Variants in FAT3 observed in about 807,000 individuals in gnomAD.
FAT3 encodes the protein protocadherin Fat 3.
In FAT3, 95 loss-of-function variants were observed where a neutral mutation model predicts 310.2. The observed-to-expected ratio is 0.31, with a 90% CI of 0.26 to 0.36. The LOEUF (loss-of-function observed/expected upper bound fraction) is 0.36. Among genes scored for constraint, FAT3 ranks in the 10% least tolerant of loss-of-function variants. FAT3 has a pLI of 1.00. For synonymous variants in FAT3, 2,314 were observed against 2,192.9 expected (o/e 1.06, Z -1.54); for missense variants, 5,408 against 5,715.6 (o/e 0.95, Z 1.74).
chr11:92,350,656 G>C (rs745789915), intron 1 of FAT3, among the ~76,000 whole-genome samples: 3 of 152,062 alleles, frequency 2.0e-5, no homozygotes, highest in Non-Finnish European at 4.4e-5. Context: ...CATTGTTTGG[G>C]CAAATGTCTC....
chr11:92,314,718 A>C (rs1303045447), intron 1 of FAT3, among the ~76,000 whole-genome samples: 1 of 152,212 alleles, frequency 6.6e-6, no homozygotes, highest in South Asian at 2.1e-4. Context: ...GTTTGAAGCC[A>C]GAATTGGGAC....
chr11:92,381,959 A>AAG (rs1949503798), intron 2 of FAT3, among the ~76,000 whole-genome samples: 5 of 152,158 alleles, frequency 3.3e-5, no homozygotes, highest in Admixed American at 2.6e-4. Context: ...TTTTTGCTTC[A>AAG]AGAGTTTTTG....
At chr11:92,851,186 C>A (rs141629481) in intron 19 of FAT3, among the ~76,000 whole-genome samples, 2 of 152,118 alleles carry the variant, frequency 1.3e-5, no homozygotes, top group African/African-American at 4.8e-5. Flanking sequence ...TCACCTACTG[C>A]GGACTTACAA....
intron 20 of FAT3, among the ~76,000 whole-genome samples, chr11:92,858,720 A>G (rs541859377): frequency 1.3e-5 from 2 of 152,252 alleles, no homozygotes; most frequent in African/African-American, 4.8e-5. Flanking sequence ...GCATTAGGAT[A>G]CTTGGGGAAC....
At chr11:92,761,102 T>C (rs1261619724) in intron 4 of FAT3, among the ~76,000 whole-genome samples, 1 of 152,242 alleles carries the variant, frequency 6.6e-6, no homozygotes, top group Non-Finnish European at 1.5e-5. Context: ...CTTAGTCTGC[T>C]CTGGTTGCTG....
intron 3 of FAT3, among the ~76,000 whole-genome samples, chr11:92,583,121 T>C (rs1023783859): frequency 2.0e-5 from 3 of 152,072 alleles, no homozygotes; most frequent in Non-Finnish European, 1.5e-5. Context: ...ACAATAACAT[T>C]AAATTTAATT....
intron 3 of FAT3, among the ~76,000 whole-genome samples, chr11:92,652,249 C>T (rs756100587): frequency 1.3e-5 from 2 of 152,182 alleles, no homozygotes; most frequent in South Asian, 2.1e-4. Context: ...GGGCACAAGG[C>T]GCTACCCCTG....
intron 3 of FAT3, among the ~76,000 whole-genome samples, chr11:92,563,135 T>C (rs1240325229): frequency 6.6e-6 from 1 of 152,216 alleles, no homozygotes; most frequent in African/African-American, 2.4e-5. Flanking sequence ...GTTGTACCCA[T>C]GGATTCTCCT....
At chr11:92,410,246 T>A (rs1366046766) in intron 2 of FAT3, among the ~76,000 whole-genome samples, 1 of 152,126 alleles carries the variant, frequency 6.6e-6, no homozygotes, top group Non-Finnish European at 1.5e-5. Context: ...CTCACCTGCA[T>A]GCTATGTAGC....
chr11:92,646,114 A>G (rs1003121150), intron 3 of FAT3, among the ~76,000 whole-genome samples: 5 of 152,178 alleles, frequency 3.3e-5, no homozygotes, highest in Non-Finnish European at 7.3e-5. Flanking sequence ...TTCAGGCAGG[A>G]ATTGGATGAG....
intron 2 of FAT3, among the ~76,000 whole-genome samples, chr11:92,384,189 C>T (rs1949566590): frequency 1.3e-5 from 2 of 152,052 alleles, no homozygotes; most frequent in Non-Finnish European, 2.9e-5. Context: ...GGGAGCAGTG[C>T]AGAGAGGGGC....
chr11:92,894,032 G>C lies in FAT3; in HGVS notation c.*2919G>C, dbSNP rs1181956102. 6.6e-6 allele frequency: 1 copy of C among 152,112 alleles called. No individual in the cohort carries two copies. Among genetic ancestry groups the C allele is most frequent in the Non-Finnish European group, 1.5e-5 (1 of 68,036 alleles). 9.4% of individuals were successfully genotyped at this position (152,112 alleles called of 1,614,324 possible). A position where few individuals can be genotyped will look rare whatever the true frequency, so the allele number is the denominator to read the frequency against. On this transcript the variant is annotated 3_prime_UTR_variant, in exon 28 of 28. Coordinates refer to ENST00000525166, the MANE Select transcript of FAT3 (RefSeq NM_001367949.2). Reference sequence around the variant, plus strand: ...GCCAATATTCTTTTTACATCATATTGTTCACCCCTACACTGCCTTGAGCAT... The same window carrying C: ...GCCAATATTCTTTTTACATCATATTCTTCACCCCTACACTGCCTTGAGCAT...
rs934528641 is a variant in FAT3, at chr11:92,519,647, T to C, written c.3293-4987T>C. On this transcript the variant is annotated intron_variant, in intron 2 of 27. Transcript: ENST00000525166. ...CTGATAAAGACTCTTATCCAGAATA[T>C]ATAAAGAACTCTTGAAATTCAAGAA... Among the ~76,000 whole-genome samples the C allele has an allele frequency of 7.9e-5, 12 of 152,180 alleles. No individual in the cohort carries two copies. In the East Asian group the frequency reaches 2.3e-3, roughly 30 times the overall value.
intron 1 of FAT3, among the ~76,000 whole-genome samples, chr11:92,249,099 TG>T (rs138791730): frequency 0.032 from 4,828 of 151,508 alleles, 241 homozygotes; most frequent in African/African-American, 0.11. Context: ...ATTTTAAGGT[TG>T]GGGTGGCCAT....
At chr11:92,472,638 G>A (rs752545590) in intron 2 of FAT3, among the ~76,000 whole-genome samples, 1 of 152,174 alleles carries the variant, frequency 6.6e-6, no homozygotes, top group African/African-American at 2.4e-5. Flanking sequence ...AGTACCATGA[G>A]CTCTAAGTAC....
intron 7 of FAT3, 105 bp downstream of exon 7, chr11:92,774,285 C>T (rs147243176): frequency 6.2e-5 from 77 of 1,232,746 alleles, no homozygotes; most frequent in Admixed American, 2.8e-4. Flanking sequence ...ATTATGTCGA[C>T]GGTTTTCTAG....
chr11:92,835,098 G>T lies in FAT3; in HGVS notation c.10086+14G>T. 6.2e-7 allele frequency: 1 copy of T among 1,605,482 alleles called. No homozygotes were observed. The highest frequency in any genetic ancestry group is 8.5e-7 in the Non-Finnish European group (1 of 1,175,140). ...TCTGTCATTTTGGTAGGTACCTGGG[G>T]TTGGGGATGGTTCTAGATGTTTGGG... On this transcript the variant is annotated intron_variant, in intron 15 of 27. Coordinates refer to ENST00000525166, the MANE Select transcript of FAT3 (RefSeq NM_001367949.2).
chr11:92,478,940 CTTTCTTTCTTTCTTTTCT>C lies in FAT3; in HGVS notation c.3293-45686_3293-45669del, dbSNP rs761333662. 2.0e-3 allele frequency among the ~76,000 whole-genome samples: 164 copies of C among 81,488 alleles called. 4 individuals carry two copies. The East Asian group carries it at 0.027, about 13-fold the overall frequency. The allele number at this position is 81,488 out of a possible 152,430, so 53.5% of individuals were successfully genotyped here. A position where few individuals can be genotyped will look rare whatever the true frequency, so the allele number is the denominator to read the frequency against. The stretch of plus-strand genomic sequence containing the variant: ...TGGCTTTCTTTCTTTCCTTCTCTTT[CTTTCTTTCTTTCTTTTCT>C]TTTCTTTTCTTTTCTTTTCTTTTCT... On this transcript the variant is annotated intron_variant, in intron 2 of 27. Coordinates refer to ENST00000525166, the MANE Select transcript of FAT3 (RefSeq NM_001367949.2).
chr11:92,508,776 A>G (rs141517439), intron 2 of FAT3, among the ~76,000 whole-genome samples: 1,540 of 152,270 alleles, frequency 0.01, 21 homozygotes, highest in African/African-American at 0.035. Flanking sequence ...TAGAGACTCC[A>G]GATACTCTTT....
Sources: allele counts gnomAD v4.1 joint callset (sites outside exome capture counted in the v4.1 genomes callset), GRCh38; gene constraint gnomAD v4.1.1; transcripts MANE v1.5; gene names NCBI Gene and HGNC (gene_info 2026-07-23, HGNC 2026-07-21).